Variants in NCAPD3 observed in about 807,000 individuals in gnomAD.
NCAPD3 encodes non-SMC condensin II complex subunit D3, also known as condensin-2 complex subunit D3.
Under a neutral mutation model 182.9 loss-of-function variants are expected in NCAPD3, and 105 were observed. The ratio of observed to expected loss-of-function variants is 0.57; its 90% confidence interval spans 0.49 to 0.68. NCAPD3 has a LOEUF of 0.68. NCAPD3 is among the 30% of genes least tolerant of loss of function. NCAPD3 has a pLI of 0.00. For synonymous variants in NCAPD3, 815 were observed against 679.9 expected, an observed-to-expected ratio of 1.20 and a Z score of -3.09; for missense variants, 1,944 against 1,837.0, an observed-to-expected ratio of 1.06 and a Z score of -1.07.
rs544332433 is a variant in NCAPD3 at position 134,157,048 on chromosome 11, C to T, written c.4222G>A (p.Val1408Met). The T allele has an allele frequency of 9.9e-6, 16 of 1,613,692 alleles. No individual in the cohort carries two copies. Among genetic ancestry groups the T allele is most frequent in the African/African-American group, 2.7e-5 (2 of 74,972 alleles). The part of the protein sequence containing the change: ...EQESNGEIEH[V>M]TKRAISTPEK... ...GGGGTGCTGATGGCCCGCTTGGTCA[C>T]GTGCTCAATCTCGCCATTCGACTCT... is the stretch of plus-strand genomic sequence containing the variant. The change falls in exon 32 of 35, where the codon GTG (valine) becomes ATG (methionine). Residue 1408 changes from valine (V) to methionine (M), a missense_variant. Coordinates refer to ENST00000534548, the MANE Select transcript of NCAPD3 (RefSeq NM_015261.3).
chr11:134,212,375 T>TTGTGTGTGTGTGTGTGTGTGTGTGTG (rs56807520), intron 3 of NCAPD3, among the ~76,000 whole-genome samples: 6 of 143,172 alleles, frequency 4.2e-5, no homozygotes, highest in South Asian at 4.6e-4. Flanking sequence ...TTTTGTTGTT[T>TTGTGTGTGTGTGTGTGTGTGTGTGTG]TGTGTGTGTG....
At chr11:134,167,670 G>C (rs1412506662) in intron 27 of NCAPD3, among the ~76,000 whole-genome samples, 2 of 136,174 alleles carry the variant, frequency 1.5e-5, no homozygotes, top group African/African-American at 2.8e-5. Context: ...ACACTCACTT[G>C]TGAGATGAGC....
intron 16 of NCAPD3, among the ~76,000 whole-genome samples, chr11:134,188,295 G>T (rs1944453556): frequency 1.3e-5 from 2 of 152,172 alleles, no homozygotes; most frequent in Admixed American, 6.5e-5. Flanking sequence ...GTACCAATCA[G>T]CATGCTGTGT....
At chr11:134,174,613 A>G (rs1481364393) in intron 24 of NCAPD3, among the ~76,000 whole-genome samples, 2 of 152,080 alleles carry the variant, frequency 1.3e-5, no homozygotes, top group African/African-American at 4.8e-5. Context: ...GGGTACAGAA[A>G]GGCTGATTAG....
intron 29 of NCAPD3, 60 bp downstream of exon 29, chr11:134,159,832 G>A: frequency 1.3e-6 from 2 of 1,526,174 alleles, no homozygotes; most frequent in Admixed American, 1.9e-5. Flanking sequence ...ACAAACGACA[G>A]ACTGGTAGCA....
At chr11:134,173,525 G>A (rs569823962) in intron 24 of NCAPD3, 157 of 153,534 alleles carry the variant, frequency 1.0e-3, no homozygotes, top group South Asian at 1.8e-3. Flanking sequence ...GCACTGGGGC[G>A]GCCCCACCAT....
rs536323576 is a variant in NCAPD3, at chr11:134,158,372, T to G, written c.3991A>C (p.Thr1331Pro). The G allele has an allele frequency of 2.0e-5, 32 of 1,614,068 alleles. No homozygotes were observed. In the South Asian group the frequency reaches 2.7e-4, roughly 14 times the overall value. ...SAGHVAVSSP[T>P]PETGPLQRLL... ...CTCTGCAATGGCCCTGTTTCAGGTG[T>G]AGGAGATGATACTGCTACATGGCCA... The change falls in exon 30 of 35, where the codon ACA (threonine) becomes CCA (proline). Residue 1331 changes from threonine (T) to proline (P), a missense_variant. By Grantham distance (38) the Thr-to-Pro change is conservative. Around this residue, in one of 3 missense-constraint regions of NCAPD3, gnomAD observed 1,803 missense variants for 1,674.6 expected, o/e 1.08. Coordinates refer to ENST00000534548, the MANE Select transcript of NCAPD3 (RefSeq NM_015261.3).
In NCAPD3 at chr11:134,159,973, C is replaced by A. The variant is rs1425093919; in HGVS notation, c.3786G>T (p.Gln1262His). ...LEYDMKKYQE[Q>H]LVQEQELAKH... ...TTGCTAGCTCCTGCTCCTGGACCAG[C>A]TGTTCCTGGTACTTCTTCATGTCAT... is the stretch of plus-strand genomic sequence containing the variant. The change falls in exon 29 of 35, where the codon CAG becomes CAT. Residue 1262 changes from glutamine (Q) to histidine (H), a missense_variant. Gln to His is a conservative substitution (Grantham distance 24, BLOSUM62 0). Around this residue, in one of 3 missense-constraint regions of NCAPD3, gnomAD observed 1,803 missense variants for 1,674.6 expected, o/e 1.08. Transcript: ENST00000534548. 5.0e-6 allele frequency: 8 copies of A among 1,614,162 alleles called. No individual in the cohort carries two copies. In the East Asian group the frequency reaches 1.8e-4, roughly 36 times the overall value.
chr11:134,174,319 G>A (rs999222337), intron 24 of NCAPD3, among the ~76,000 whole-genome samples: 3 of 145,310 alleles, frequency 2.1e-5, no homozygotes, highest in African/African-American at 7.8e-5. Context: ...GGAGGTCGAG[G>A]CTGCAGGGAG....
rs1364495448 is a variant in NCAPD3 at position 134,206,855 on chromosome 11, G to C, written c.883-123C>G. The C allele has an allele frequency of 5.2e-6, 5 of 956,722 alleles. No homozygotes were observed. In the Admixed American group the frequency reaches 1.5e-4, roughly 29 times the overall value. 59.3% of individuals were successfully genotyped at this position (956,722 alleles called of 1,614,324 possible). ...GAAGGTAGGTCAGGCTGGCATAATT[G>C]CTGGCTGAACACTAGGGATATATTT... On this transcript the variant is annotated intron_variant, in intron 7 of 34. Coordinates refer to ENST00000534548, the MANE Select transcript of NCAPD3 (RefSeq NM_015261.3).
rs1346900476 is a variant in NCAPD3, at chr11:134,165,405, AGAT to A, written c.3573+2588_3573+2590del. ...GCTTCGGGGAAGGGGCACACTTCTG[AGAT>A]GAGCTTAGGGGAAGAAGCACACTCG... On this transcript the variant is annotated intron_variant, in intron 27 of 34. Transcript: ENST00000534548. Among the ~76,000 whole-genome samples, 16 of 146,984 alleles carry A rather than the reference AGAT, an allele frequency of 1.1e-4. 1 individual carries two copies. Among genetic ancestry groups the A allele is most frequent in the Admixed American group, 1.1e-3 (16 of 14,724 alleles).
chr11:134,205,172 T>A (rs79593682), intron 8 of NCAPD3, among the ~76,000 whole-genome samples: 1,939 of 152,322 alleles, frequency 0.013, 36 homozygotes, highest in African/African-American at 0.043. Context: ...TTTTGAGAGC[T>A]GCTGCAGAGT....
chr11:134,177,608 G>A, intron 22 of NCAPD3, 151 bp from the exon 23 acceptor site: 1 of 650,754 alleles, frequency 1.5e-6, no homozygotes, highest in South Asian at 1.9e-5. Context: ...ACTAAAGGCA[G>A]ACAGACCCAT....
chr11:134,170,715 C>T (rs76633618), intron 24 of NCAPD3, among the ~76,000 whole-genome samples: 2,416 of 152,298 alleles, frequency 0.016, 58 homozygotes, highest in African/African-American at 0.053. Context: ...GAGTTTAAGC[C>T]CTAGTGAAAA....
chr11:134,206,922 CA>C (rs1445657363), intron 7 of NCAPD3, among the ~76,000 whole-genome samples, 190 bp from the exon 8 acceptor site: 3 of 152,152 alleles, frequency 2.0e-5, no homozygotes, highest in African/African-American at 4.8e-5. Context: ...ACAATGTAAA[CA>C]GTGTGAAAGA....
chr11:134,169,030 G>A lies in NCAPD3; in HGVS notation c.3126C>T (p.His1042=). Residue 1042 remains histidine (H), a synonymous_variant, in exon 25 of 35, where the codon CAC becomes CAT. Transcript: ENST00000534548. ...IASFGEFCLA[H]LLLKRNPVMF... ...TGACAGGGTTCCTCTTCAGTAACAG[G>A]TGAGCCAGGCAAAACTCCCCGAAGC... is the stretch of plus-strand genomic sequence containing the variant. 6.2e-7 allele frequency: 1 copy of A among 1,613,936 alleles called. No individual in the cohort carries two copies. Among genetic ancestry groups the A allele is most frequent in the Non-Finnish European group, 8.5e-7 (1 of 1,179,934 alleles).
At chr11:134,216,518 T>A (rs995244793) in intron 3 of NCAPD3, among the ~76,000 whole-genome samples, 3 of 152,196 alleles carry the variant, frequency 2.0e-5, no homozygotes, top group Non-Finnish European at 2.9e-5. Context: ...CTTTCCTGCT[T>A]TCTTGATTAG....
chr11:134,213,267 A>G (rs2136024647), intron 3 of NCAPD3, among the ~76,000 whole-genome samples: 1 of 152,226 alleles, frequency 6.6e-6, no homozygotes, highest in Admixed American at 6.5e-5. Context: ...TCAAGGTTAA[A>G]GTGAGCTATG....
intron 27 of NCAPD3, among the ~76,000 whole-genome samples, chr11:134,167,599 C>A: frequency 8.7e-6 from 1 of 114,308 alleles, no homozygotes; most frequent in African/African-American, 3.9e-5. Flanking sequence ...GAGGGGCACA[C>A]TCACTAGTGA....
Sources: gnomAD v4.1 joint callset for allele counts (sites outside exome capture counted in the v4.1 genomes callset) on GRCh38, gnomAD v4.1.1 for gene constraint, gnomAD v4.1.1 regional missense constraint, MANE v1.5 for transcripts, NCBI Gene and HGNC (gene_info 2026-07-23, HGNC 2026-07-21) for gene names.